PTPRZ1: variants seen among roughly 807,000 people sequenced by gnomAD.
The protein encoded by PTPRZ1 is protein tyrosine phosphatase receptor type Z1, also known as receptor-type tyrosine-protein phosphatase zeta.
In PTPRZ1, 82 loss-of-function variants were observed where a neutral mutation model predicts 214.1. The observed-to-expected ratio is 0.38, with a 90% confidence interval of 0.32 to 0.46. PTPRZ1 has a LOEUF of 0.46. PTPRZ1 is among the 20% of genes least tolerant of loss of function. The pLI is 1.00. For missense variants in PTPRZ1, 2,603 were observed against 2,748.7 expected, an observed-to-expected ratio of 0.95 and a Z score of 1.19; for synonymous variants, 945 against 987.9, an observed-to-expected ratio of 0.96 and a Z score of 0.81.
chr7:122,034,022 G>C (rs937327630), intron 15 of PTPRZ1, 73 bp from the exon 16 acceptor site: 182 of 1,367,938 alleles, frequency 1.3e-4, no homozygotes, highest in Non-Finnish European at 1.7e-4. Flanking sequence ...TAATATGAAC[G>C]CTTTTTTTTC....
At chr7:121,932,794 C>A (rs1281513799) in intron 2 of PTPRZ1, among the ~76,000 whole-genome samples, 1 of 152,022 alleles carries the variant, frequency 6.6e-6, no homozygotes. Context: ...ATGTAAATCC[C>A]CGCTGGCTAC....
intron 1 of PTPRZ1, among the ~76,000 whole-genome samples, chr7:121,903,671 G>T (rs1795034373): frequency 6.6e-6 from 1 of 152,016 alleles, no homozygotes; most frequent in African/African-American, 2.4e-5. Flanking sequence ...GCTCACTTTG[G>T]TTTTTAAAAG....
intron 1 of PTPRZ1, among the ~76,000 whole-genome samples, chr7:121,888,916 T>C (rs1214553497): frequency 6.6e-6 from 1 of 152,124 alleles, no homozygotes; most frequent in Non-Finnish European, 1.5e-5. Flanking sequence ...TTTGGTCTAA[T>C]GAAGAATTGG....
rs775978336 is a variant in PTPRZ1, at chr7:121,928,238, T to G, written c.124+17T>G. Reference sequence around the variant, plus strand: ...CCTATACAGGTAAACATATTACTTATATAATGAGATTTAGCAGAAACTTTT... The same window carrying G: ...CCTATACAGGTAAACATATTACTTAGATAATGAGATTTAGCAGAAACTTTT... On this transcript the variant is annotated intron_variant, in intron 2 of 29. Transcript: ENST00000393386. The G allele has an allele frequency of 1.9e-6, 3 of 1,557,732 alleles. No individual in the cohort carries two copies. In the East Asian group the frequency reaches 6.7e-5, roughly 35 times the overall value.
At chr7:121,902,073 T>C (rs1794977618) in intron 1 of PTPRZ1, among the ~76,000 whole-genome samples, 1 of 152,124 alleles carries the variant, frequency 6.6e-6, no homozygotes, top group Non-Finnish European at 1.5e-5. Flanking sequence ...AGATCAATGT[T>C]TTTAGGTTCC....
At chr7:122,038,467 A>G (rs1280229041) in intron 18 of PTPRZ1, among the ~76,000 whole-genome samples, 3 of 151,930 alleles carry the variant, frequency 2.0e-5, no homozygotes, top group Admixed American at 2.0e-4. Flanking sequence ...TTGGAATACA[A>G]ATGCACAGAA....
rs1491157068 is a variant in PTPRZ1, at chr7:121,903,963, ATC to A, written c.59-24190_59-24189del. 1.6e-4 allele frequency among the ~76,000 whole-genome samples: 14 copies of A among 85,836 alleles called. No individual in the cohort carries two copies. In the East Asian group the frequency reaches 1.7e-3, roughly 10 times the overall value. 56.3% of individuals were successfully genotyped at this position (85,836 alleles called of 152,430 possible). A position where few individuals can be genotyped will look rare whatever the true frequency, so the allele number is the denominator to read the frequency against. ...TGCAGGATTCTGTTCCAGTCTTTAAATCTCACACACACACACACACACACACA... is the reference window on the plus strand; with the variant it reads ...TGCAGGATTCTGTTCCAGTCTTTAAATCACACACACACACACACACACACA... On this transcript the variant is annotated intron_variant, in intron 1 of 29. Transcript: ENST00000393386.
intron 2 of PTPRZ1, among the ~76,000 whole-genome samples, chr7:121,937,638 TC>T: frequency 6.6e-6 from 1 of 152,100 alleles, no homozygotes; most frequent in Admixed American, 6.5e-5. Context: ...GCACCCAGAG[TC>T]AGGGTGGAGA....
At chr7:121,945,521 G>A (rs1169781124) in intron 2 of PTPRZ1, among the ~76,000 whole-genome samples, 13 of 151,970 alleles carry the variant, frequency 8.6e-5, no homozygotes, top group African/African-American at 3.1e-4. Flanking sequence ...CATTTCCTCA[G>A]ACTCAATATT....
intron 2 of PTPRZ1, among the ~76,000 whole-genome samples, chr7:121,946,162 A>G (rs187424712): frequency 9.2e-5 from 14 of 152,364 alleles, no homozygotes; most frequent in Admixed American, 3.3e-4. Flanking sequence ...ATTTTCTTTC[A>G]ACCAGAGAAA....
chr7:121,955,978 T>A (rs1045139683), intron 2 of PTPRZ1, among the ~76,000 whole-genome samples: 2 of 152,080 alleles, frequency 1.3e-5, no homozygotes, highest in Non-Finnish European at 2.9e-5. Context: ...GACTTTGGGG[T>A]TCTGACGGTT....
chr7:121,969,606 A>G (rs1379893064), intron 3 of PTPRZ1, among the ~76,000 whole-genome samples: 2 of 151,768 alleles, frequency 1.3e-5, no homozygotes, highest in African/African-American at 4.8e-5. Flanking sequence ...AGATTTTTCT[A>G]CATCAGTGCC....
At chr7:121,928,030 C>T (rs911251968) in intron 1 of PTPRZ1, 126 bp from the exon 2 acceptor site, 1 of 700,488 alleles carries the variant, frequency 1.4e-6, no homozygotes, top group Non-Finnish European at 2.5e-6. Flanking sequence ...GTTGAGAGAA[C>T]ACATTGAGAA....
At chr7:122,032,584 T>C (rs1185196028) in intron 15 of PTPRZ1, among the ~76,000 whole-genome samples, 1 of 152,122 alleles carries the variant, frequency 6.6e-6, no homozygotes, top group Non-Finnish European at 1.5e-5. Flanking sequence ...GTAAGCCTAA[T>C]CACAAAATCC....
intron 23 of PTPRZ1, among the ~76,000 whole-genome samples, chr7:122,047,593 A>G (rs975459827): frequency 6.6e-6 from 1 of 151,750 alleles, no homozygotes; most frequent in Non-Finnish European, 1.5e-5. Context: ...TTATCTGTGA[A>G]GAGAAGGTGG....
chr7:122,059,727 T>C, intron 28 of PTPRZ1, 26 bp from the exon 29 acceptor site: 1 of 1,585,452 alleles, frequency 6.3e-7, no homozygotes, highest in Non-Finnish European at 8.5e-7. Context: ...GGAGTCTTTG[T>C]TCCTTTTCTT....
chr7:122,018,726 AT>A (rs1362918792), intron 12 of PTPRZ1, among the ~76,000 whole-genome samples: 13 of 152,150 alleles, frequency 8.5e-5, no homozygotes, highest in Non-Finnish European at 1.6e-4. Context: ...ATTTAAATTT[AT>A]TTTAGAAAAT....
intron 1 of PTPRZ1, among the ~76,000 whole-genome samples, chr7:121,908,267 G>T (rs1795173493): frequency 6.6e-6 from 1 of 152,052 alleles, no homozygotes; most frequent in African/African-American, 2.4e-5. Context: ...CAGGTCACCT[G>T]TTGTCAACTC....
At chr7:121,882,091 T>G (rs181641850) in intron 1 of PTPRZ1, among the ~76,000 whole-genome samples, 1 of 152,338 alleles carries the variant, frequency 6.6e-6, no homozygotes, top group Admixed American at 6.5e-5. Context: ...ATTTAAAAAT[T>G]AACAATGAAC....
Sources: gnomAD v4.1 joint callset for allele counts (sites outside exome capture counted in the v4.1 genomes callset) on GRCh38, gnomAD v4.1.1 for gene constraint, MANE v1.5 for transcripts, NCBI Gene and HGNC (gene_info 2026-07-23, HGNC 2026-07-21) for gene names.